The following ARHGAP21 variants were observed in gnomAD, a reference collection of about 807,000 sequenced individuals.
ARHGAP21 encodes the protein rho GTPase-activating protein 21.
In ARHGAP21, 38 loss-of-function variants were observed where a neutral mutation model predicts 164.6. The observed-to-expected ratio is 0.23, with a 90% CI of 0.18 to 0.30. The LOEUF (loss-of-function observed/expected upper bound fraction) is 0.30. Ranked by LOEUF, ARHGAP21 falls within the 10% of genes least tolerant of loss-of-function variation. The probability of loss-of-function intolerance (pLI) is 1.00; values close to 1 mark genes in which losing one functional copy is unlikely to be tolerated. For synonymous variants in ARHGAP21, 766 were observed against 857.9 expected (o/e 0.89, Z 1.87); for missense variants, 1,822 against 2,370.7 (o/e 0.77, Z 4.81).
Position 24,674,227 on chromosome 10 carries a change from C to T in ARHGAP21, c.64-3830G>A, listed in dbSNP as rs371882646. Among the ~76,000 whole-genome samples the T allele has an allele frequency of 1.8e-4, 28 of 152,006 alleles. No homozygotes were observed. The East Asian group carries it at 3.1e-3, about 17-fold the overall frequency. On this transcript the variant is annotated intron_variant, in intron 2 of 25. Coordinates refer to ENST00000396432, the MANE Select transcript of ARHGAP21 (RefSeq NM_020824.4). ...GCAACACAGGGAGACCCTGTCTCTACACAAAATTTAAAAATTAGCCAGGTA... is the reference window on the plus strand; with the variant it reads ...GCAACACAGGGAGACCCTGTCTCTATACAAAATTTAAAAATTAGCCAGGTA...
At chr10:24,630,131 G>T in intron 6 of ARHGAP21, 81 bp from the exon 7 acceptor site, 4 of 702,696 alleles carry the variant, frequency 5.7e-6, no homozygotes, top group Non-Finnish European at 4.5e-6. Context: ...TAACTCAGAA[G>T]TATTTTTTAA....
At chr10:24,590,192 CT>C (rs1435305730) in intron 24 of ARHGAP21, 1 of 1,430,406 alleles carries the variant, frequency 7.0e-7, no homozygotes, top group African/African-American at 1.4e-5. Context: ...ACTTTAAGAA[CT>C]GGTAGACCAT....
chr10:24,684,044 T>G (rs1336089301), intron 2 of ARHGAP21, among the ~76,000 whole-genome samples: 1 of 152,150 alleles, frequency 6.6e-6, no homozygotes, highest in Non-Finnish European at 1.5e-5. Context: ...CCCAGCACAT[T>G]GGGAGGCCAA....
chr10:24,615,145 G>A (rs953272849), intron 9 of ARHGAP21, among the ~76,000 whole-genome samples: 4 of 152,136 alleles, frequency 2.6e-5, no homozygotes, highest in South Asian at 2.1e-4. Flanking sequence ...AGCTGAGATC[G>A]TGTCATTGCA....
In ARHGAP21 at chr10:24,584,554, G is replaced by T; in HGVS notation, c.5735C>A (p.Ser1912Tyr). ...TLASTNRPLL[S>Y]IPPQSPDQIN... ...TTGGTCAGGTGACTGTGGTGGTATG[G>T]AAAGAAGGGGCCTGTTTGTTGAAGC... Residue 1912 changes from serine (S) to tyrosine (Y), a missense_variant, in exon 26 of 26, where the codon TCC becomes TAC. By Grantham distance (144) the Ser-to-Tyr change is moderately radical. Transcript: ENST00000396432. The T allele has an allele frequency of 6.2e-7, 1 of 1,613,954 alleles. No homozygotes were observed. The highest frequency in any genetic ancestry group is 8.5e-7 in the Non-Finnish European group (1 of 1,179,870).
At chr10:24,653,707 C>T (rs1263156655) in intron 4 of ARHGAP21, among the ~76,000 whole-genome samples, 1 of 152,078 alleles carries the variant, frequency 6.6e-6, no homozygotes, top group Non-Finnish European at 1.5e-5. Flanking sequence ...AGGTGCAAAC[C>T]ACCATGCCAA....
chr10:24,706,394 T>C (rs1362560328), intron 2 of ARHGAP21: 1 of 152,328 alleles, frequency 6.6e-6, no homozygotes, highest in Non-Finnish European at 1.5e-5. Flanking sequence ...TCTAAAAGAT[T>C]ACTTTCCTAC....
At chr10:24,623,299 A>G (rs1419281113) in intron 7 of ARHGAP21, among the ~76,000 whole-genome samples, 1 of 152,240 alleles carries the variant, frequency 6.6e-6, no homozygotes, top group East Asian at 1.9e-4. Flanking sequence ...GTTTCACTCA[A>G]AAATTAAGAT....
chr10:24,703,839 ACT>A (rs1324518012), intron 2 of ARHGAP21, among the ~76,000 whole-genome samples: 1 of 152,150 alleles, frequency 6.6e-6, no homozygotes, highest in Non-Finnish European at 1.5e-5. Flanking sequence ...CAACGGTGAA[ACT>A]CAAAGAAACC....
intron 2 of ARHGAP21, among the ~76,000 whole-genome samples, chr10:24,692,850 A>G (rs182638535): frequency 9.3e-4 from 142 of 152,168 alleles, no homozygotes; most frequent in Non-Finnish European, 1.3e-3. Flanking sequence ...AAAATAAAAA[A>G]ATTAAAAAAA....
chr10:24,591,102 A>G (rs557740098), intron 24 of ARHGAP21, 123 bp downstream of exon 24: 4 of 1,009,684 alleles, frequency 4.0e-6, no homozygotes, highest in South Asian at 1.8e-5. Flanking sequence ...GTTTTTTATT[A>G]GTAGAAAGGA....
At chr10:24,655,481 A>G (rs887383958) in intron 4 of ARHGAP21, among the ~76,000 whole-genome samples, 3 of 152,252 alleles carry the variant, frequency 2.0e-5, no homozygotes, top group African/African-American at 7.2e-5. Flanking sequence ...GACACTTCTC[A>G]AAAGAAGACA....
At chr10:24,652,711 T>G (rs1480196641) in intron 4 of ARHGAP21, among the ~76,000 whole-genome samples, 2 of 152,160 alleles carry the variant, frequency 1.3e-5, no homozygotes, top group African/African-American at 4.8e-5. Flanking sequence ...AAAGCCATAG[T>G]CCACACCACT....
At chr10:24,681,448 A>G (rs760894651) in intron 2 of ARHGAP21, among the ~76,000 whole-genome samples, 2 of 152,226 alleles carry the variant, frequency 1.3e-5, no homozygotes, top group Admixed American at 6.5e-5. Flanking sequence ...TAAACAATAT[A>G]TAAGTCCTAA....
At chr10:24,637,127 A>G (rs1296001999) in intron 4 of ARHGAP21, among the ~76,000 whole-genome samples, 1 of 152,228 alleles carries the variant, frequency 6.6e-6, no homozygotes, top group African/African-American at 2.4e-5. Flanking sequence ...CAGCATAGGG[A>G]TTTGAACCCT....
chr10:24,611,661 G>A (rs192384849), intron 9 of ARHGAP21, among the ~76,000 whole-genome samples: 53 of 151,598 alleles, frequency 3.5e-4, no homozygotes, highest in Admixed American at 1.9e-3. Context: ...GCGAGATTGC[G>A]CCACTGCCCG....
At chr10:24,602,873 GA>G (rs2076871901) in intron 12 of ARHGAP21, among the ~76,000 whole-genome samples, 1 of 152,156 alleles carries the variant, frequency 6.6e-6, no homozygotes, top group African/African-American at 2.4e-5. Flanking sequence ...TGATATGGGG[GA>G]AAGTGAAAAA....
At chr10:24,639,080 T>C (rs1410301052) in intron 4 of ARHGAP21, among the ~76,000 whole-genome samples, 1 of 152,216 alleles carries the variant, frequency 6.6e-6, no homozygotes, top group East Asian at 1.9e-4. Flanking sequence ...GTGGATGTGA[T>C]TCTTATTCTC....
At chr10:24,617,299 C>A (rs1195417760) in intron 9 of ARHGAP21, among the ~76,000 whole-genome samples, 1 of 152,034 alleles carries the variant, frequency 6.6e-6, no homozygotes, top group African/African-American at 2.4e-5. Flanking sequence ...TTTTTTACTA[C>A]TCCAATGTAA....
Sources: allele counts gnomAD v4.1 joint callset (sites outside exome capture counted in the v4.1 genomes callset), GRCh38; gene constraint gnomAD v4.1.1; transcripts MANE v1.5; gene names NCBI Gene and HGNC (gene_info 2026-07-23, HGNC 2026-07-21).